The following SLC6A15 variants were observed in gnomAD, a reference collection of about 807,000 sequenced individuals.
SLC6A15 encodes solute carrier family 6 member 15.
A neutral mutation model predicts 68.5 loss-of-function variants in SLC6A15; 33 were observed. The observed-to-expected ratio is 0.48, with a 90% CI of 0.37 to 0.64. The LOEUF is 0.64. Ranked by LOEUF, SLC6A15 falls within the 30% of genes least tolerant of loss-of-function variation. The pLI is 0.00. For missense variants in SLC6A15, 747 were observed against 874.3 expected (o/e 0.85, Z 1.84); for synonymous variants, 347 against 301.0 (o/e 1.15, Z -1.58).
chr12:84,876,297 TG>T (rs1871536357), intron 6 of SLC6A15, among the ~76,000 whole-genome samples, 199 bp downstream of exon 6: 1 of 152,020 alleles, frequency 6.6e-6, no homozygotes, highest in Non-Finnish European at 1.5e-5. Context: ...AAAATCAAAA[TG>T]GGATATAAAA....
In SLC6A15 at chr12:84,896,727, T is replaced by C. The variant is rs11116646; in HGVS notation, c.-188-4419A>G. 2.8e-4 allele frequency among the ~76,000 whole-genome samples: 42 copies of C among 152,172 alleles called. 1 individual carries two copies. The East Asian group carries it at 7.9e-3, about 29-fold the overall frequency. ...CAGGAAGAAACATAAGCAAAAGACA[T>C]ATACAGAATATAAATATACACCAGG... On this transcript the variant is annotated intron_variant, in intron 1 of 11. Transcript: ENST00000266682.
At chr12:84,862,393 A>C (rs1341113941) in intron 11 of SLC6A15, among the ~76,000 whole-genome samples, 1 of 152,134 alleles carries the variant, frequency 6.6e-6, no homozygotes, top group East Asian at 1.9e-4. Context: ...TTAGCCATTA[A>C]ATTTCAGGGT....
chr12:84,887,927 A>G (rs182013859), intron 2 of SLC6A15, among the ~76,000 whole-genome samples: 16 of 152,124 alleles, frequency 1.1e-4, no homozygotes, highest in African/African-American at 3.9e-4. Context: ...AAGTTATTAT[A>G]TGAAAAAGAT....
chr12:84,862,159 A>G (rs924884836), intron 11 of SLC6A15, among the ~76,000 whole-genome samples, 153 bp from the exon 12 acceptor site: 8 of 152,200 alleles, frequency 5.3e-5, no homozygotes, highest in Admixed American at 4.6e-4. Context: ...ACACTCAGCA[A>G]CTTCCAAGAC....
chr12:84,887,720 AGAG>A (rs750759712), intron 2 of SLC6A15, among the ~76,000 whole-genome samples: 109 of 140,780 alleles, frequency 7.7e-4, no homozygotes, highest in Non-Finnish European at 9.9e-4. Flanking sequence ...GAAAAAAGAG[AGAG>A]AGAAAGAATT....
intron 1 of SLC6A15, among the ~76,000 whole-genome samples, chr12:84,905,313 C>T (rs1873090538): frequency 6.6e-6 from 1 of 152,120 alleles, no homozygotes; most frequent in African/African-American, 2.4e-5. Context: ...GGAAAAATCA[C>T]ATGACTATAT....
chr12:84,889,496 AAAAAAATAAAAATAAAAAT>A (rs1300851347), intron 2 of SLC6A15, among the ~76,000 whole-genome samples: 13 of 149,586 alleles, frequency 8.7e-5, no homozygotes, highest in African/African-American at 2.3e-4. Context: ...TCGGTCTCAG[AAAAAAATAAAAATAAAAAT>A]AAAAATAAAA....
At chr12:84,904,237 G>GAGAGAGAGAGAGAGAGAGAGAGAGAT (rs1873030036) in intron 1 of SLC6A15, among the ~76,000 whole-genome samples, 1 of 151,162 alleles carries the variant, frequency 6.6e-6, no homozygotes, top group African/African-American at 2.4e-5. Flanking sequence ...GAGAGAGAGA[G>GAGAGAGAGAGAGAGAGAGAGAGAGAT]AGAGAGAGAG....
At chr12:84,868,963 A>G (rs1399172850) in intron 9 of SLC6A15, among the ~76,000 whole-genome samples, 1 of 152,198 alleles carries the variant, frequency 6.6e-6, no homozygotes, top group Non-Finnish European at 1.5e-5. Context: ...TTTCTTGAAT[A>G]ATATAAAGCA....
At chr12:84,883,754 A>C in intron 5 of SLC6A15, 105 bp downstream of exon 5, 1 of 1,612,618 alleles carries the variant, frequency 6.2e-7, no homozygotes, top group South Asian at 1.1e-5. Flanking sequence ...CCTAGAATGA[A>C]GTGTTATGTG....
intron 10 of SLC6A15, among the ~76,000 whole-genome samples, chr12:84,866,248 A>G (rs1407984294): frequency 6.6e-6 from 1 of 152,154 alleles, no homozygotes; most frequent in Non-Finnish European, 1.5e-5. Context: ...CAGTGACTAT[A>G]AAAAGTATTG....
chr12:84,890,983 TAAC>T (rs1362005977), intron 2 of SLC6A15, among the ~76,000 whole-genome samples: 2 of 152,154 alleles, frequency 1.3e-5, no homozygotes, highest in African/African-American at 2.4e-5. Flanking sequence ...ACATAGATAA[TAAC>T]ATTTCAATCC....
At chr12:84,872,578 A>G in intron 8 of SLC6A15, 24 bp downstream of exon 8, 1 of 1,579,380 alleles carries the variant, frequency 6.3e-7, no homozygotes, top group Non-Finnish European at 8.6e-7. Context: ...TAATTATTTT[A>G]TTGCTCAAAC....
In SLC6A15 at chr12:84,891,879, A is replaced by T. The variant is rs1188821225; in HGVS notation, c.242T>A (p.Leu81Ter). 6.2e-7 allele frequency: 1 copy of T among 1,614,058 alleles called. No individual in the cohort carries two copies. Among genetic ancestry groups the T allele is most frequent in the Non-Finnish European group, 8.5e-7 (1 of 1,179,948 alleles). Residue 81 changes from leucine to a stop codon, truncating the protein, a stop_gained, in exon 2 of 12, where the codon TTA (leucine) becomes TAA (stop). Transcript: ENST00000266682. LOFTEE classifies it high-confidence loss of function. Reference sequence around the variant, plus strand: ...GTATGGAAATCGCCACACATTTCCTAAACCTACAGAAAATCCAACTTGGGC... The same window carrying T: ...GTATGGAAATCGCCACACATTTCCTTAACCTACAGAAAATCCAACTTGGGC... ...ILAQVGFSVG[L>*]GNVWRFPYLC... is the part of the protein sequence containing the mutation.
chr12:84,904,647 A>C (rs1045395978), intron 1 of SLC6A15, among the ~76,000 whole-genome samples: 3 of 152,220 alleles, frequency 2.0e-5, no homozygotes, highest in African/African-American at 7.2e-5. Flanking sequence ...GAATAGAAAT[A>C]GGTATTAACT....
At chr12:84,905,919 G>C (rs1319422619) in intron 1 of SLC6A15, among the ~76,000 whole-genome samples, 1 of 152,040 alleles carries the variant, frequency 6.6e-6, no homozygotes, top group Non-Finnish European at 1.5e-5. Flanking sequence ...CAGTCCCCAG[G>C]CTCTCCTTAA....
intron 5 of SLC6A15, 175 bp downstream of exon 5, chr12:84,883,684 T>G (rs142255143): frequency 1.3e-6 from 2 of 1,530,064 alleles, no homozygotes; most frequent in African/African-American, 2.8e-5. Context: ...CTGTTTTTAT[T>G]TGTCTTTTTA....
At position 84,882,923 on chromosome 12, in the gene SLC6A15, T is replaced by A. The variant is rs946312304; in HGVS notation, c.756+936A>T. 3 of 721,542 alleles carry A rather than the reference T, an allele frequency of 4.2e-6. No individual in the cohort carries two copies. The African/African-American group carries it at 5.8e-5, about 14-fold the overall frequency. 44.7% of individuals were successfully genotyped at this position (721,542 alleles called of 1,614,324 possible). On this transcript the variant is annotated intron_variant, in intron 5 of 11. Transcript: ENST00000266682. ...ACATCTTTATCATCATTTATTATTATTGTTATTATGACTACTTCTACTATT... is the reference window on the plus strand; with the variant it reads ...ACATCTTTATCATCATTTATTATTAATGTTATTATGACTACTTCTACTATT...
rs760758362 is a variant in SLC6A15 at position 84,872,755 on chromosome 12, G to A, written c.1149C>T (p.Asn383=). 6.2e-7 allele frequency: 1 copy of A among 1,604,294 alleles called. No homozygotes were observed. Among genetic ancestry groups the A allele is most frequent in the Non-Finnish European group, 8.5e-7 (1 of 1,177,716 alleles). The change falls in exon 8 of 12, where the codon AAC becomes AAT. Residue 383 remains asparagine (N), a synonymous_variant. Coordinates refer to ENST00000266682, the MANE Select transcript of SLC6A15 (RefSeq NM_182767.6). ...ETIMKFLKMG[N]ISQDIIPHHI... ...GATGGGGAATAATATCCTGACTAATGTTCCCCATTTTCAAAAATTTCATGA... is the reference window on the plus strand; with the variant it reads ...GATGGGGAATAATATCCTGACTAATATTCCCCATTTTCAAAAATTTCATGA...
Sources: gnomAD v4.1 joint callset for allele counts (sites outside exome capture counted in the v4.1 genomes callset) on GRCh38, gnomAD v4.1.1 for gene constraint, MANE v1.5 for transcripts, NCBI Gene and HGNC (gene_info 2026-07-23, HGNC 2026-07-21) for gene names.